CORIN: variants seen among roughly 807,000 people sequenced by gnomAD.
CORIN encodes atrial natriuretic peptide-converting enzyme.
CORIN carries 117 observed loss-of-function variants against 125.3 expected under a neutral mutation model. That is an observed-to-expected ratio of 0.93 (90% CI 0.80 to 1.09). The LOEUF (loss-of-function observed/expected upper bound fraction) is 1.09. CORIN is among the 50% of genes least tolerant of loss of function. The pLI is 0.00. For missense variants in CORIN, 1,253 were observed against 1,306.7 expected, an observed-to-expected ratio of 0.96 and a Z score of 0.63; for synonymous variants, 450 against 466.4, an observed-to-expected ratio of 0.96 and a Z score of 0.45.
rs144612946 is a variant in CORIN at position 47,654,470 on chromosome 4, C to G, written c.1736-810G>C. Among the ~76,000 whole-genome samples, 320 of 152,342 alleles carry G rather than the reference C, an allele frequency of 2.1e-3. 3 individuals carry two copies. The highest frequency in any genetic ancestry group is 6.8e-3 in the Middle Eastern group (2 of 294). On this transcript the variant is annotated intron_variant, in intron 12 of 21. Transcript: ENST00000273857. ...TGAATCACCAACACCACCCCTCCCC[C>G]ATTCCCCAGCAAGAGCTGCATAGCA...
intron 4 of CORIN, among the ~76,000 whole-genome samples, chr4:47,750,540 G>T (rs1437054956): frequency 6.6e-6 from 1 of 152,182 alleles, no homozygotes; most frequent in African/African-American, 2.4e-5. Context: ...ACAAGGCATA[G>T]TACAGTAGGC....
intron 16 of CORIN, among the ~76,000 whole-genome samples, chr4:47,637,032 C>T (rs1723052188): frequency 6.6e-6 from 1 of 152,130 alleles, no homozygotes; most frequent in Admixed American, 6.6e-5. Flanking sequence ...ACAATAAAGT[C>T]CATGCTGAGG....
intron 1 of CORIN, among the ~76,000 whole-genome samples, chr4:47,829,864 C>G (rs556935168): frequency 6.6e-6 from 1 of 152,254 alleles, no homozygotes; most frequent in South Asian, 2.1e-4. Context: ...GAAAAAGGCC[C>G]TGAAAGAGTA....
At chr4:47,751,059 G>A (rs1316632744) in intron 4 of CORIN, among the ~76,000 whole-genome samples, 1 of 152,180 alleles carries the variant, frequency 6.6e-6, no homozygotes, top group African/African-American at 2.4e-5. Flanking sequence ...TTTGTTGTTG[G>A]TTTGTTTTTT....
intron 5 of CORIN, among the ~76,000 whole-genome samples, chr4:47,738,309 T>TGACTCTGCTATAGTGTC (rs1431773649): frequency 1.3e-5 from 2 of 152,196 alleles, no homozygotes. Context: ...GCTATAGCAT[T>TGACTCTGCTATAGTGTC]GACTCTGCTA....
intron 1 of CORIN, among the ~76,000 whole-genome samples, chr4:47,823,997 C>T (rs921843485): frequency 5.3e-5 from 8 of 152,174 alleles, no homozygotes; most frequent in African/African-American, 1.7e-4. Flanking sequence ...TCCCTCCCCA[C>T]ACTTTAGAAC....
intron 5 of CORIN, among the ~76,000 whole-genome samples, chr4:47,735,572 C>T (rs568464588): frequency 2.0e-5 from 3 of 152,010 alleles, no homozygotes; most frequent in African/African-American, 7.3e-5. Context: ...TTTGCAATAT[C>T]CTCTGATATT....
intron 5 of CORIN, among the ~76,000 whole-genome samples, chr4:47,698,060 G>T (rs1413253331): frequency 1.3e-5 from 2 of 151,228 alleles, no homozygotes; most frequent in African/African-American, 2.4e-5. Context: ...AATTATTATA[G>T]AATAATTAAT....
chr4:47,651,561 T>C (rs1723731144), intron 13 of CORIN, among the ~76,000 whole-genome samples: 1 of 152,248 alleles, frequency 6.6e-6, no homozygotes, highest in Non-Finnish European at 1.5e-5. Flanking sequence ...TGTAAAGTTT[T>C]CTATTGTTAG....
chr4:47,681,249 A>C (rs1725265690), intron 7 of CORIN: 1 of 152,208 alleles, frequency 6.6e-6, no homozygotes, highest in African/African-American at 2.4e-5. Context: ...TCAACAGAGG[A>C]AAGTATAGGG....
intron 6 of CORIN, among the ~76,000 whole-genome samples, chr4:47,686,562 C>T (rs1725525883): frequency 6.6e-6 from 1 of 152,180 alleles, no homozygotes; most frequent in South Asian, 2.1e-4. Flanking sequence ...ACTGGTTCTT[C>T]TGCCCACAGG....
At chr4:47,764,886 A>C (rs1729638796) in intron 3 of CORIN, among the ~76,000 whole-genome samples, 2 of 152,182 alleles carry the variant, frequency 1.3e-5, no homozygotes, top group Admixed American at 6.6e-5. Flanking sequence ...TTTAGGGGTT[A>C]TCAGCTTTTG....
chr4:47,660,944 T>C (rs1338686596), intron 12 of CORIN, among the ~76,000 whole-genome samples: 1 of 152,118 alleles, frequency 6.6e-6, no homozygotes, highest in African/African-American at 2.4e-5. Flanking sequence ...CATCAAAAGA[T>C]GAATGGTTAA....
chr4:47,822,060 T>C (rs1350023774), intron 1 of CORIN, among the ~76,000 whole-genome samples: 1 of 152,174 alleles, frequency 6.6e-6, no homozygotes, highest in Non-Finnish European at 1.5e-5. Flanking sequence ...GTTCACTACT[T>C]TCAAAAAGAA....
rs1331211997 is a variant in CORIN, at chr4:47,744,490, G to A, written c.711C>T (p.Phe237=). Residue 237 remains phenylalanine, a synonymous_variant, in exon 5 of 22, where the codon TTC becomes TTT. Transcript: ENST00000273857. Reference sequence around the variant, plus strand: ...GGTTTCTAAACTGGGAGCATCTGAGGAAATCCGGCCAGGAGTAATTCACCA... The same window carrying A: ...GGTTTCTAAACTGGGAGCATCTGAGAAAATCCGGCCAGGAGTAATTCACCA... ...LGMVNYSWPD[F]LRCSQFRNQT... 1.9e-6 allele frequency: 3 copies of A among 1,613,910 alleles called. No individual in the cohort carries two copies. The highest frequency in any genetic ancestry group is 1.7e-5 in the Admixed American group (1 of 60,002).
intron 5 of CORIN, among the ~76,000 whole-genome samples, chr4:47,703,912 T>C (rs1402841579): frequency 1.3e-5 from 2 of 152,204 alleles, no homozygotes; most frequent in Non-Finnish European, 2.9e-5. Context: ...TCTCAAGTGA[T>C]CAACACACAC....
intron 1 of CORIN, among the ~76,000 whole-genome samples, chr4:47,818,754 T>C (rs546219199): frequency 6.6e-6 from 1 of 151,912 alleles, no homozygotes; most frequent in South Asian, 2.1e-4. Flanking sequence ...ACTCCTGTGG[T>C]CCCAGCTACC....
chr4:47,686,027 G>A (rs767290037), intron 6 of CORIN, among the ~76,000 whole-genome samples: 3 of 148,134 alleles, frequency 2.0e-5, no homozygotes, highest in East Asian at 3.9e-4. Flanking sequence ...ACAAGTAGCA[G>A]CCACCACTTT....
intron 1 of CORIN, among the ~76,000 whole-genome samples, chr4:47,826,036 T>A (rs1732732164): frequency 6.6e-6 from 1 of 152,148 alleles, no homozygotes; most frequent in Non-Finnish European, 1.5e-5. Flanking sequence ...CACTGTACCC[T>A]AATAAGAAAA....
Sources: gnomAD v4.1 joint callset for allele counts (sites outside exome capture counted in the v4.1 genomes callset) on GRCh38, gnomAD v4.1.1 for gene constraint, MANE v1.5 for transcripts, NCBI Gene and HGNC (gene_info 2026-07-23, HGNC 2026-07-21) for gene names.